Variants in LDB3 observed in about 807,000 individuals in gnomAD.
LDB3 encodes LIM domain binding 3.
LDB3 carries 49 observed loss-of-function variants against 69.0 expected under a neutral mutation model. That is an observed-to-expected ratio of 0.71 (90% confidence interval 0.56 to 0.90). LDB3 has a LOEUF of 0.90. LDB3 is among the 40% of genes least tolerant of loss of function. LDB3 has a pLI of 0.00. For missense variants in LDB3, 928 were observed against 974.1 expected (o/e 0.95, Z 0.63); for synonymous variants, 387 against 396.2 (o/e 0.98, Z 0.28).
intron 8 of LDB3, 38 bp downstream of exon 8, chr10:86,706,757 A>G: frequency 6.3e-7 from 1 of 1,577,416 alleles, no homozygotes; most frequent in Non-Finnish European, 8.6e-7. Context: ...ACCCTGGGGA[A>G]GGGAGGCAGG....
chr10:86,733,014 GC>G lies in LDB3; in HGVS notation c.*39del. 1 of 1,431,884 alleles carries G rather than the reference GC, an allele frequency of 7.0e-7. No homozygotes were observed. Among genetic ancestry groups the G allele is most frequent in the Non-Finnish European group, 9.8e-7 (1 of 1,021,888 alleles). 88.7% of individuals were successfully genotyped at this position (1,431,884 alleles called of 1,614,324 possible). ...GCCTGTGCTGACGAGGCCCGGAGCT[GC>G]TCCTGCTGCTGGCAACAAAGGATTC... On this transcript the variant is annotated 3_prime_UTR_variant, in exon 14 of 14. Transcript: ENST00000361373.
At chr10:86,667,914 C>T (rs1844242149), upstream of LDB3, among the ~76,000 whole-genome samples, 1 of 152,228 alleles carries the variant, frequency 6.6e-6, no homozygotes, top group African/African-American at 2.4e-5. Context: ...GACCTGGGTC[C>T]ACTCCTTGTG....
intron 7 of LDB3, among the ~76,000 whole-genome samples, chr10:86,704,419 CT>C (rs869228246): frequency 0.011 from 1,588 of 142,144 alleles, 9 homozygotes; most frequent in African/African-American, 0.023. Context: ...AGGGTAATTT[CT>C]TTTTTTTTTT....
upstream of LDB3, among the ~76,000 whole-genome samples, chr10:86,668,049 T>C (rs985480101): frequency 1.2e-4 from 18 of 152,292 alleles, no homozygotes; most frequent in South Asian, 1.7e-3. Context: ...GCTGCTGTTA[T>C]GATGATCGTT....
chr10:86,672,550 G>A (rs185440560), intron 2 of LDB3, among the ~76,000 whole-genome samples: 126 of 152,372 alleles, frequency 8.3e-4, no homozygotes, highest in Non-Finnish European at 1.5e-3. Context: ...AGTGCTGACA[G>A]GCCGTGCTGT....
rs895510448 is a variant in LDB3, at chr10:86,735,546, G to C, written c.*2570G>C. On this transcript the variant is annotated 3_prime_UTR_variant, in exon 14 of 14. Coordinates refer to ENST00000361373, the MANE Select transcript of LDB3 (RefSeq NM_007078.3). ...TGTTATCCCAGCACTTTGGGAGGCCGAGGCAGGTGAATCACCTGAGGTCAG... is the reference window on the plus strand; with the variant it reads ...TGTTATCCCAGCACTTTGGGAGGCCCAGGCAGGTGAATCACCTGAGGTCAG... The C allele has an allele frequency of 6.6e-6, 1 of 152,096 alleles. No individual in the cohort carries two copies. Among genetic ancestry groups the C allele is most frequent in the Non-Finnish European group, 1.5e-5 (1 of 68,048 alleles). The allele number at this position is 152,096 out of a possible 1,614,324, so 9.4% of individuals were successfully genotyped here. A position where few individuals can be genotyped will look rare whatever the true frequency, so the allele number is the denominator to read the frequency against.
chr10:86,674,678 G>A (rs1844683126), intron 2 of LDB3, among the ~76,000 whole-genome samples: 1 of 152,222 alleles, frequency 6.6e-6, no homozygotes, highest in African/African-American at 2.4e-5. Context: ...GCATTTAAAT[G>A]CTCAAAGGCG....
At position 86,699,174 on chromosome 10, in the gene LDB3, G is replaced by A; in HGVS notation, c.896+6603G>A. 7.3e-7 allele frequency: 1 copy of A among 1,376,194 alleles called. No individual in the cohort carries two copies. Among genetic ancestry groups the A allele is most frequent in the Non-Finnish European group, 1.0e-6 (1 of 971,554 alleles). 85.2% of individuals were successfully genotyped at this position (1,376,194 alleles called of 1,614,324 possible). On this transcript the variant is annotated intron_variant, in intron 7 of 13. Transcript: ENST00000361373. This position sits in a 1 kb window ranked among gnomAD's most constrained non-coding sequence, Gnocchi z 4.9. ...GCCCCACCTGTTAGACAGGGGAATG[G>A]TGAACACATTCCCTAACCCCTTTCA...
chr10:86,716,770 C>T lies in LDB3; in HGVS notation c.1675C>T (p.Arg559Trp), dbSNP rs142947567. Residue 559 changes from arginine to tryptophan, a missense_variant and splice_region_variant, in exon 10 of 14, where the codon CGG becomes TGG. Arg to Trp is a moderately radical substitution (Grantham distance 101, BLOSUM62 -3). Transcript: ENST00000361373. ...CTGCGGTCACTGCAACAATGTCATC[C>T]GGTATGGTCCAGCTGTGCCCCTGCA... ...PLCGHCNNVIRGPFLVAMGRS... is the reference protein window; with the variant it reads ...PLCGHCNNVIWGPFLVAMGRS... 5.0e-5 allele frequency: 81 copies of T among 1,604,848 alleles called. No individual in the cohort carries two copies. The highest frequency in any genetic ancestry group is 8.0e-5 in the African/African-American group (6 of 74,638).
intron 9 of LDB3, among the ~76,000 whole-genome samples, chr10:86,713,280 T>C (rs898633183): frequency 3.4e-4 from 51 of 152,174 alleles, no homozygotes; most frequent in South Asian, 1.2e-3. Flanking sequence ...GAGTTTCTCT[T>C]TTGTTGCCCA....
intron 10 of LDB3, among the ~76,000 whole-genome samples, chr10:86,717,391 G>T (rs956869004): frequency 2.0e-5 from 3 of 152,114 alleles, no homozygotes; most frequent in Admixed American, 2.0e-4. Flanking sequence ...GTAAAAATTA[G>T]AATATAAAAA....
intron 5 of LDB3, among the ~76,000 whole-genome samples, chr10:86,684,277 T>C (rs1179867780): frequency 6.6e-6 from 1 of 152,238 alleles, no homozygotes; most frequent in Admixed American, 6.5e-5. Flanking sequence ...ACCCAGGCAC[T>C]GGCTCCTCTC....
chr10:86,691,921 G>T lies in LDB3; in HGVS notation c.715G>T (p.Val239Leu), dbSNP rs201417512. 1.2e-6 allele frequency: 2 copies of T among 1,614,132 alleles called. No individual in the cohort carries two copies. The highest frequency in any genetic ancestry group is 1.7e-6 in the Non-Finnish European group (2 of 1,180,026). The change falls in exon 6 of 14, where the codon GTA becomes TTA. Residue 239 changes from valine to leucine, a missense_variant. Val to Leu is a conservative substitution (Grantham distance 32, BLOSUM62 1). Transcript: ENST00000361373. Reference protein sequence around the residue: ...GGSLPIKDLAVDSASPVYQAV... With the variant: ...GGSLPIKDLALDSASPVYQAV... ...GAGCCTCCCTATTAAGGACCTTGCCGTAGACAGCGCCTCTCCCGTCTACCA... is the reference window on the plus strand; with the variant it reads ...GAGCCTCCCTATTAAGGACCTTGCCTTAGACAGCGCCTCTCCCGTCTACCA...
At chr10:86,675,767 C>T (rs2132346464) in intron 2 of LDB3, among the ~76,000 whole-genome samples, 1 of 152,326 alleles carries the variant, frequency 6.6e-6, no homozygotes, top group South Asian at 2.1e-4. Flanking sequence ...TGTTATGGTA[C>T]AGCCATGGTG....
intron 9 of LDB3, among the ~76,000 whole-genome samples, chr10:86,711,699 C>G (rs973669638): frequency 2.6e-5 from 4 of 151,484 alleles, no homozygotes; most frequent in Admixed American, 1.3e-4. Flanking sequence ...GTTCGCAGGC[C>G]GGATCTTATC....
chr10:86,721,003 T>C (rs1361596231), intron 12 of LDB3, among the ~76,000 whole-genome samples: 1 of 152,184 alleles, frequency 6.6e-6, no homozygotes, highest in African/African-American at 2.4e-5. Context: ...AGAGATGAGG[T>C]CTTGCTATGT....
chr10:86,718,506 C>T (rs1397641692), intron 11 of LDB3, among the ~76,000 whole-genome samples: 1 of 152,184 alleles, frequency 6.6e-6, no homozygotes, highest in Admixed American at 6.5e-5. Flanking sequence ...GATTAAGCCT[C>T]ACAGTTTATG....
chr10:86,718,172 A>C (rs1382242519), intron 11 of LDB3, 28 bp downstream of exon 11: 1 of 1,606,648 alleles, frequency 6.2e-7, no homozygotes, highest in Non-Finnish European at 8.5e-7. Flanking sequence ...ATTTCCTCTG[A>C]CCCATGTCTC....
intron 11 of LDB3, among the ~76,000 whole-genome samples, 175 bp downstream of exon 11, chr10:86,718,319 T>C (rs1258831805): frequency 6.6e-6 from 1 of 152,236 alleles, no homozygotes; most frequent in Non-Finnish European, 1.5e-5. Flanking sequence ...ATGAACTTGA[T>C]GCAAGAGATG....
Sources: allele counts gnomAD v4.1 joint callset (sites outside exome capture counted in the v4.1 genomes callset), GRCh38; gene constraint gnomAD v4.1.1; non-coding constraint Gnocchi (gnomAD v3.1); transcripts MANE v1.5; gene names NCBI Gene and HGNC (gene_info 2026-07-23, HGNC 2026-07-21).